The following ADCY8 variants were observed in gnomAD, a reference collection of about 807,000 sequenced individuals.
The protein encoded by ADCY8 is adenylate cyclase type 8.
A neutral mutation model predicts 119.7 loss-of-function variants in ADCY8; 51 were observed. The observed-to-expected ratio is 0.43, with a 90% CI of 0.34 to 0.54. The LOEUF is 0.54. Among genes scored for constraint, ADCY8 ranks in the 20% least tolerant of loss-of-function variants. The pLI, the probability that ADCY8 is intolerant of heterozygous loss-of-function variation, is 0.03. For synonymous variants in ADCY8, 665 were observed against 651.0 expected, an observed-to-expected ratio of 1.02 and a Z score of -0.33; for missense variants, 1,383 against 1,598.8, an observed-to-expected ratio of 0.87 and a Z score of 2.30.
chr8:130,856,898 G>A (rs1452409792), intron 9 of ADCY8, among the ~76,000 whole-genome samples: 1 of 151,854 alleles, frequency 6.6e-6, no homozygotes, highest in Non-Finnish European at 1.5e-5. Flanking sequence ...ACCAATGGCT[G>A]TTGGTGGGAG....
intron 3 of ADCY8, among the ~76,000 whole-genome samples, chr8:130,950,907 C>A (rs887148976): frequency 6.6e-6 from 1 of 152,104 alleles, no homozygotes; most frequent in Non-Finnish European, 1.5e-5. Flanking sequence ...ACCTTGTTGG[C>A]CAGGATGGTC....
chr8:130,791,598 C>T (rs1423683414), intron 15 of ADCY8, among the ~76,000 whole-genome samples: 1 of 152,244 alleles, frequency 6.6e-6, no homozygotes, highest in Non-Finnish European at 1.5e-5. Flanking sequence ...GCGGCTGGCT[C>T]ACCTCCAAGG....
chr8:130,794,138 A>G (rs1040984967), intron 15 of ADCY8, among the ~76,000 whole-genome samples: 1 of 152,208 alleles, frequency 6.6e-6, no homozygotes, highest in African/African-American at 2.4e-5. Context: ...GAGGCAAGGC[A>G]GGAGTTTTCC....
rs568644266 is a variant in ADCY8 at position 130,959,469 on chromosome 8, C to T, written c.1111-7471G>A. Among the ~76,000 whole-genome samples the T allele has an allele frequency of 2.6e-5, 4 of 152,284 alleles. No homozygotes were observed. The South Asian group carries it at 8.3e-4, about 32-fold the overall frequency. Reference sequence around the variant, plus strand: ...TGATTCATAATTCCTGTAACTGTTTCTAGTGCCAAGCACAGCAATAGATAG... The same window carrying T: ...TGATTCATAATTCCTGTAACTGTTTTTAGTGCCAAGCACAGCAATAGATAG... On this transcript the variant is annotated intron_variant, in intron 2 of 17. Transcript: ENST00000286355.
intron 14 of ADCY8, among the ~76,000 whole-genome samples, chr8:130,805,687 T>C (rs903641940): frequency 2.0e-5 from 3 of 152,152 alleles, no homozygotes; most frequent in African/African-American, 7.2e-5. Flanking sequence ...GGACAATGTG[T>C]CTTGGATCTG....
chr8:130,873,985 G>A (rs1818462280), intron 8 of ADCY8, among the ~76,000 whole-genome samples: 1 of 152,042 alleles, frequency 6.6e-6, no homozygotes, highest in South Asian at 2.1e-4. Flanking sequence ...GCATTCTGTA[G>A]CATGGCAGTA....
chr8:130,788,948 T>C (rs538870887), intron 15 of ADCY8, among the ~76,000 whole-genome samples: 14 of 152,314 alleles, frequency 9.2e-5, no homozygotes, highest in Admixed American at 9.2e-4. Flanking sequence ...TTATTTCATT[T>C]ATATAAAATT....
At chr8:130,974,619 G>T (rs1822017037) in intron 2 of ADCY8, among the ~76,000 whole-genome samples, 1 of 152,132 alleles carries the variant, frequency 6.6e-6, no homozygotes, top group South Asian at 2.1e-4. Context: ...CAAGTAAAAT[G>T]AACTTCTTAC....
chr8:130,917,752 G>GCA (rs1189756726), intron 5 of ADCY8, among the ~76,000 whole-genome samples: 1 of 146,422 alleles, frequency 6.8e-6, no homozygotes, highest in African/African-American at 2.7e-5. Flanking sequence ...GGTGAGGGAG[G>GCA]CACAGGGAGT....
At chr8:130,818,772 CA>C in intron 13 of ADCY8, among the ~76,000 whole-genome samples, 1 of 152,282 alleles carries the variant, frequency 6.6e-6, no homozygotes, top group East Asian at 1.9e-4. Flanking sequence ...TGAAGTGATA[CA>C]ACCCTGCAGA....
chr8:130,830,721 G>C (rs1816809117), intron 12 of ADCY8, among the ~76,000 whole-genome samples: 1 of 152,160 alleles, frequency 6.6e-6, no homozygotes, highest in Non-Finnish European at 1.5e-5. Context: ...GGGTTTGTGA[G>C]GGAGACTCCC....
At position 130,849,669 on chromosome 8, in the gene ADCY8, T is replaced by C; in HGVS notation, c.2345A>G (p.Tyr782Cys). 3 of 1,614,038 alleles carry C rather than the reference T, an allele frequency of 1.9e-6. No individual in the cohort carries two copies. Among genetic ancestry groups the C allele is most frequent in the Non-Finnish European group, 2.5e-6 (3 of 1,179,934 alleles). The change falls in exon 10 of 18, where the codon TAT becomes TGT. Residue 782 changes from tyrosine (Y) to cysteine (C), a missense_variant. Coordinates refer to ENST00000286355, the MANE Select transcript of ADCY8 (RefSeq NM_001115.3). Reference sequence around the variant, plus strand: ...AAAGATGATGACGTTCCGGGCCAAATAGGTCTCATTAATCCAACAGCAAGT... The same window carrying C: ...AAAGATGATGACGTTCCGGGCCAAACAGGTCTCATTAATCCAACAGCAAGT... Reference protein sequence around the residue: ...RKTCCWINETYLARNVIIFAS... With the variant: ...RKTCCWINETCLARNVIIFAS...
At chr8:130,784,714 G>A (rs1246884180) in intron 16 of ADCY8, among the ~76,000 whole-genome samples, 1 of 152,162 alleles carries the variant, frequency 6.6e-6, no homozygotes, top group South Asian at 2.1e-4. Context: ...TGCTGCACAC[G>A]TACCAAATAA....
intron 8 of ADCY8, among the ~76,000 whole-genome samples, chr8:130,868,825 T>G (rs1818222961): frequency 6.6e-6 from 1 of 152,232 alleles, no homozygotes; most frequent in Non-Finnish European, 1.5e-5. Flanking sequence ...ACTTTGGAAC[T>G]TTGTAATCTC....
intron 8 of ADCY8, among the ~76,000 whole-genome samples, chr8:130,873,639 G>T (rs149938046): frequency 6.6e-6 from 1 of 152,162 alleles, no homozygotes; most frequent in Non-Finnish European, 1.5e-5. Context: ...TTTTATCAAA[G>T]ATTGTAGGTG....
At chr8:130,839,830 T>C (rs1302183378) in intron 11 of ADCY8, among the ~76,000 whole-genome samples, 3 of 140,372 alleles carry the variant, frequency 2.1e-5, no homozygotes, top group Admixed American at 7.3e-5. Context: ...TGGAAATCTG[T>C]ACTTTATTCT....
intron 2 of ADCY8, among the ~76,000 whole-genome samples, chr8:130,989,966 G>A (rs1289015309): frequency 6.6e-6 from 1 of 152,156 alleles, no homozygotes; most frequent in Non-Finnish European, 1.5e-5. Flanking sequence ...TGTGGTTTTA[G>A]AGACTAGACA....
chr8:130,806,458 AGGAAGG>A (rs1815961196), intron 14 of ADCY8, among the ~76,000 whole-genome samples: 4 of 152,148 alleles, frequency 2.6e-5, no homozygotes, highest in Admixed American at 6.5e-5. Flanking sequence ...AAGATGATTC[AGGAAGG>A]GTTAACTGAT....
intron 14 of ADCY8, among the ~76,000 whole-genome samples, chr8:130,811,715 A>G (rs952884048): frequency 2.0e-5 from 3 of 152,226 alleles, no homozygotes; most frequent in Admixed American, 6.5e-5. Context: ...AGCCAGGCAC[A>G]GTGGTGACCA....
Sources: allele counts gnomAD v4.1 joint callset (sites outside exome capture counted in the v4.1 genomes callset), GRCh38; gene constraint gnomAD v4.1.1; transcripts MANE v1.5; gene names NCBI Gene and HGNC (gene_info 2026-07-23, HGNC 2026-07-21).